CLVS1: variants seen among roughly 807,000 people sequenced by gnomAD.
The protein encoded by CLVS1 is clavesin-1.
CLVS1 carries 10 observed loss-of-function variants against 33.1 expected under a neutral mutation model. The ratio of observed to expected loss-of-function variants is 0.30; its 90% CI spans 0.19 to 0.51. The LOEUF (loss-of-function observed/expected upper bound fraction) is 0.51, where lower values mean the gene tolerates loss of function less well. CLVS1 is among the 20% of genes least tolerant of loss of function. CLVS1 has a pLI of 0.97. For synonymous variants in CLVS1, 163 were observed against 166.1 expected, an observed-to-expected ratio of 0.98 and a Z score of 0.14; for missense variants, 343 against 433.4, an observed-to-expected ratio of 0.79 and a Z score of 1.85.
chr8:61,084,822 G>A (rs138943671), intron 1 of CLVS1, among the ~76,000 whole-genome samples: 2 of 152,182 alleles, frequency 1.3e-5, no homozygotes, highest in African/African-American at 4.8e-5. Flanking sequence ...CTAGTCATTG[G>A]GGGTAGAGAT....
chr8:61,429,444 G>T (rs1452692400), intron 3 of CLVS1, among the ~76,000 whole-genome samples: 1 of 97,682 alleles, frequency 1.0e-5, no homozygotes, highest in Non-Finnish European at 2.1e-5. Context: ...AAAAAAAAAA[G>T]CCTGCAAGAG....
intron 2 of CLVS1, among the ~76,000 whole-genome samples, chr8:61,358,561 T>A (rs1339488918): frequency 6.6e-6 from 1 of 152,126 alleles, no homozygotes; most frequent in Non-Finnish European, 1.5e-5. Flanking sequence ...GTGGTGAACA[T>A]GATTATAAAG....
At chr8:61,339,960 G>C (rs538960697) in intron 2 of CLVS1, among the ~76,000 whole-genome samples, 41 of 149,282 alleles carry the variant, frequency 2.7e-4, no homozygotes, top group African/African-American at 9.9e-4. Context: ...TAAAGGGAGT[G>C]AGAGAAAGAA....
chr8:61,315,803 A>G (rs931647249), intron 2 of CLVS1, among the ~76,000 whole-genome samples: 2 of 152,076 alleles, frequency 1.3e-5, no homozygotes, highest in Non-Finnish European at 2.9e-5. Flanking sequence ...ATAGGTATAT[A>G]TGTGTCATGG....
chr8:61,405,192 G>A (rs183892600), intron 3 of CLVS1, among the ~76,000 whole-genome samples: 41 of 152,270 alleles, frequency 2.7e-4, no homozygotes, highest in Admixed American at 5.9e-4. Flanking sequence ...TGATAGAGTC[G>A]TATGTCCATT....
At chr8:61,297,569 T>C (rs1289069902) in intron 1 of CLVS1, among the ~76,000 whole-genome samples, 1 of 152,102 alleles carries the variant, frequency 6.6e-6, no homozygotes, top group African/African-American at 2.4e-5. Context: ...GAACTATGAT[T>C]AGTTTAGTTT....
At chr8:61,175,762 A>C (rs916421042) in intron 2 of CLVS1, among the ~76,000 whole-genome samples, 2 of 152,212 alleles carry the variant, frequency 1.3e-5, no homozygotes, top group Non-Finnish European at 2.9e-5. Flanking sequence ...CTAAGAGGGA[A>C]CATGGCCCTG....
intron 1 of CLVS1, among the ~76,000 whole-genome samples, chr8:61,107,590 T>G (rs1455877681): frequency 6.6e-6 from 1 of 152,140 alleles, no homozygotes; most frequent in African/African-American, 2.4e-5. Context: ...ACCATCACCT[T>G]GGGTGTTAGG....
At chr8:61,418,025 A>G (rs1307496201) in intron 3 of CLVS1, among the ~76,000 whole-genome samples, 2 of 152,180 alleles carry the variant, frequency 1.3e-5, no homozygotes, top group Non-Finnish European at 2.9e-5. Flanking sequence ...TACAGAAAGG[A>G]TACAGCTGCC....
chr8:61,279,948 A>G (rs981982675), intron 2 of CLVS1, among the ~76,000 whole-genome samples: 1 of 152,158 alleles, frequency 6.6e-6, no homozygotes, highest in Non-Finnish European at 1.5e-5. Flanking sequence ...ATAAAATTAC[A>G]TGAATAAAAG....
chr8:61,199,799 T>A (rs530613657), intron 2 of CLVS1, among the ~76,000 whole-genome samples: 1 of 152,342 alleles, frequency 6.6e-6, no homozygotes, highest in African/African-American at 2.4e-5. Context: ...CATCCCACTT[T>A]CCACCTTTTT....
intron 5 of CLVS1, among the ~76,000 whole-genome samples, chr8:61,461,888 A>C (rs917186750): frequency 6.6e-6 from 1 of 152,130 alleles, no homozygotes; most frequent in Non-Finnish European, 1.5e-5. Flanking sequence ...ATATGACCAG[A>C]CTTTAATTTT....
the CLVS1 span, among the ~76,000 whole-genome samples, chr8:60,979,302 C>T: frequency 0.11 from 17,368 of 152,182 alleles, 1,516 homozygotes; most frequent in East Asian, 0.4. Context: ...ATGGGGCCTG[C>T]CCTCTGAATT....
At chr8:61,483,769 C>T (rs1176738674) in intron 5 of CLVS1, among the ~76,000 whole-genome samples, 1 of 152,198 alleles carries the variant, frequency 6.6e-6, no homozygotes, top group Non-Finnish European at 1.5e-5. Context: ...TGTGCTTCAT[C>T]CCTGGGATGC....
At chr8:61,004,451 G>A in the CLVS1 span, among the ~76,000 whole-genome samples, 2 of 152,240 alleles carry the variant, frequency 1.3e-5, no homozygotes, top group African/African-American at 4.8e-5. Context: ...CAGAAAGCCA[G>A]AGCCATGTGA....
the CLVS1 span, among the ~76,000 whole-genome samples, chr8:61,033,043 AAGAAAAAG>A: frequency 8.8e-5 from 9 of 102,784 alleles, no homozygotes; most frequent in East Asian, 2.8e-4. Flanking sequence ...GAAAGAAAGA[AAGAAAAAG>A]AAAGAAAGAT....
intron 2 of CLVS1, among the ~76,000 whole-genome samples, chr8:61,337,474 C>T (rs778197967): frequency 2.6e-5 from 4 of 152,182 alleles, no homozygotes; most frequent in African/African-American, 7.2e-5. Flanking sequence ...CCCTGACTTG[C>T]GCAGCAGCTG....
intron 2 of CLVS1, among the ~76,000 whole-genome samples, chr8:61,239,668 C>T (rs61204411): frequency 0.16 from 24,301 of 151,922 alleles, 3,607 homozygotes; most frequent in East Asian, 0.69. Context: ...GCTGAGAGGT[C>T]GAGGCTGCAA....
chr8:61,077,935 C>T (rs1804953956), intron 1 of CLVS1, among the ~76,000 whole-genome samples: 1 of 152,194 alleles, frequency 6.6e-6, no homozygotes, highest in African/African-American at 2.4e-5. Context: ...GCTCCGGCTC[C>T]TCGGGTGGCT....
Sources: gnomAD v4.1 joint callset for allele counts (sites outside exome capture counted in the v4.1 genomes callset) on GRCh38, gnomAD v4.1.1 for gene constraint, MANE v1.5 for transcripts, NCBI Gene and HGNC (gene_info 2026-07-23, HGNC 2026-07-21) for gene names.